Variants in CIMAP2 observed in about 807,000 individuals in gnomAD.
CIMAP2 encodes the protein ciliary microtubule associated protein 2, also known as ciliary microtubule-associated protein 2.
At chr1:54,820,309 A>G in the CIMAP2 span, among the ~76,000 whole-genome samples, 3 of 151,790 alleles carry the variant, frequency 2.0e-5, no homozygotes, top group Non-Finnish European at 4.4e-5. Flanking sequence ...CTGGAACTGC[A>G]GGTGTGCACC....
At chr1:54,820,158 CT>C in the CIMAP2 span, among the ~76,000 whole-genome samples, 1 of 131,670 alleles carries the variant, frequency 7.6e-6, no homozygotes, top group Non-Finnish European at 1.6e-5. Context: ...CCCTTCCTTC[CT>C]TCCTTCCTTC....
At chr1:54,808,615 G>GGGGGGT in the CIMAP2 span, among the ~76,000 whole-genome samples, 1 of 138,720 alleles carries the variant, frequency 7.2e-6, no homozygotes, top group Non-Finnish European at 1.6e-5. Flanking sequence ...GTGCTGCCGG[G>GGGGGGT]GGAGGGCAGT....
chr1:54,814,949 GA>G, the CIMAP2 span: 3 of 1,614,186 alleles, frequency 1.9e-6, no homozygotes, highest in Middle Eastern at 1.6e-4. Context: ...TTCCACAAGA[GA>G]AGAAATGCAA....
the CIMAP2 span, chr1:54,811,772 T>TTCCCAC: frequency 2.2e-6 from 1 of 454,868 alleles, no homozygotes; most frequent in Non-Finnish European, 4.3e-6. Flanking sequence ...ACAGCCTCCA[T>TTCCCAC]GCCCCCACCC....
chr1:54,820,219 A>C, the CIMAP2 span, among the ~76,000 whole-genome samples: 3 of 144,684 alleles, frequency 2.1e-5, no homozygotes, highest in Admixed American at 2.1e-4. Context: ...CCTGTTTTAC[A>C]TGCAGTGGTA....
At chr1:54,821,239 C>T in the CIMAP2 span, among the ~76,000 whole-genome samples, 14 of 151,896 alleles carry the variant, frequency 9.2e-5, no homozygotes, top group Non-Finnish European at 1.9e-4. Flanking sequence ...TAATATAGTC[C>T]TATTTGTGTA....
the CIMAP2 span, among the ~76,000 whole-genome samples, chr1:54,835,290 C>T: frequency 6.6e-6 from 1 of 152,128 alleles, no homozygotes; most frequent in African/African-American, 2.4e-5. Flanking sequence ...CTCCTGGGCT[C>T]AAGCAATCCT....
the CIMAP2 span, among the ~76,000 whole-genome samples, chr1:54,811,084 G>A: frequency 2.6e-5 from 4 of 152,056 alleles, no homozygotes; most frequent in African/African-American, 4.8e-5. Flanking sequence ...TAACTTCATC[G>A]TCATTACCTG....
chr1:54,811,780 C>T, the CIMAP2 span: 8 of 804,788 alleles, frequency 9.9e-6, no homozygotes, highest in Non-Finnish European at 1.5e-5. Context: ...CATGCCCCCA[C>T]CCCCGCCCCA....
chr1:54,833,140 T>C, the CIMAP2 span, among the ~76,000 whole-genome samples: 3 of 152,170 alleles, frequency 2.0e-5, no homozygotes, highest in Non-Finnish European at 4.4e-5. Context: ...GCCAGTCTGA[T>C]TGCGGGTGTA....
At chr1:54,811,765 G>GCCGGGGGGGGGGGGGCCCCCCCCCCCCC in the CIMAP2 span, 17 of 1,301,302 alleles carry the variant, frequency 1.3e-5, no homozygotes, top group East Asian at 2.5e-5. Flanking sequence ...GGTTCTGACA[G>GCCGGGGGGGGGGGGGCCCCCCCCCCCCC]CCTCCATGCC....
the CIMAP2 span, among the ~76,000 whole-genome samples, chr1:54,815,318 A>G: frequency 6.6e-6 from 1 of 152,244 alleles, no homozygotes; most frequent in Non-Finnish European, 1.5e-5. Context: ...GGGTTGGGAC[A>G]TGGGAATTTG....
At chr1:54,812,231 C>T in the CIMAP2 span, 3 of 1,610,836 alleles carry the variant, frequency 1.9e-6, no homozygotes, top group Admixed American at 5.0e-5. Flanking sequence ...CATGCCCCAG[C>T]AGGATGACAG....
the CIMAP2 span, chr1:54,813,984 A>C: frequency 6.4e-7 from 1 of 1,566,128 alleles, no homozygotes; most frequent in Non-Finnish European, 8.6e-7. Context: ...TGGTGAGTTC[A>C]CTCCTATGGC....
the CIMAP2 span, among the ~76,000 whole-genome samples, chr1:54,831,823 CA>C: frequency 6.6e-6 from 1 of 152,040 alleles, no homozygotes; most frequent in Non-Finnish European, 1.5e-5. Flanking sequence ...TCATGGTAAA[CA>C]ATAAAAAAAT....
At chr1:54,828,117 A>G in the CIMAP2 span, among the ~76,000 whole-genome samples, 1 of 152,256 alleles carries the variant, frequency 6.6e-6, no homozygotes, top group East Asian at 1.9e-4. Flanking sequence ...GGAAAAATAA[A>G]TAAGAAATAT....
chr1:54,832,187 C>T, the CIMAP2 span, among the ~76,000 whole-genome samples: 1 of 152,122 alleles, frequency 6.6e-6, no homozygotes, highest in Non-Finnish European at 1.5e-5. Flanking sequence ...GTAACAAAAT[C>T]CCATAATAAT....
At chr1:54,811,765 G>GCCGGGGGGGGGGGGCCGCCCCCCCCC in the CIMAP2 span, 1 of 1,301,328 alleles carries the variant, frequency 7.7e-7, no homozygotes, top group Non-Finnish European at 1.1e-6. Flanking sequence ...GGTTCTGACA[G>GCCGGGGGGGGGGGGCCGCCCCCCCCC]CCTCCATGCC....
At chr1:54,808,618 A>AGGG in the CIMAP2 span, among the ~76,000 whole-genome samples, 4 of 82,194 alleles carry the variant, frequency 4.9e-5, no homozygotes, top group South Asian at 5.2e-4. Context: ...CTGCCGGGGG[A>AGGG]GGGCAGTGGA....
Sources: allele counts gnomAD v4.1 joint callset (sites outside exome capture counted in the v4.1 genomes callset), GRCh38; gene constraint gnomAD v4.1.1; transcripts MANE v1.5; gene names NCBI Gene and HGNC (gene_info 2026-07-23, HGNC 2026-07-21).